Variants in MYO9A observed in about 807,000 individuals in gnomAD.
MYO9A encodes unconventional myosin-IXa.
A neutral mutation model predicts 293.3 loss-of-function variants in MYO9A; 103 were observed. The ratio of observed to expected loss-of-function variants is 0.35; its 90% CI spans 0.30 to 0.41. MYO9A has a LOEUF of 0.41. MYO9A is among the 10% of genes least tolerant of loss of function. MYO9A has a pLI of 1.00. For missense variants in MYO9A, 2,685 were observed against 3,033.0 expected (o/e 0.89, Z 2.69); for synonymous variants, 1,001 against 1,035.7 (o/e 0.97, Z 0.64).
intron 15 of MYO9A, among the ~76,000 whole-genome samples, chr15:71,940,578 T>C (rs567806220): frequency 1.3e-5 from 2 of 152,172 alleles, no homozygotes; most frequent in African/African-American, 4.8e-5. Flanking sequence ...AATGTCTACA[T>C]TGAAAACTAT....
chr15:71,950,674 C>T (rs977139212), intron 15 of MYO9A, among the ~76,000 whole-genome samples: 1 of 152,178 alleles, frequency 6.6e-6, no homozygotes, highest in East Asian at 1.9e-4. Context: ...TTTTTCAAAA[C>T]ACATTACACA....
intron 23 of MYO9A, among the ~76,000 whole-genome samples, chr15:71,900,520 C>A (rs1052525445): frequency 1.6e-4 from 24 of 152,094 alleles, no homozygotes; most frequent in African/African-American, 5.8e-4. Flanking sequence ...TTTTCTCTTC[C>A]AGATATGTTT....
At chr15:71,838,230 T>C (rs2055015858) in intron 39 of MYO9A, among the ~76,000 whole-genome samples, 1 of 152,146 alleles carries the variant, frequency 6.6e-6, no homozygotes, top group African/African-American at 2.4e-5. Context: ...TAAGGAAAAT[T>C]AGACTTTGAA....
At position 72,046,197 on chromosome 15, in the gene MYO9A, AC is replaced by A; in HGVS notation, c.366del (p.Gln122HisfsTer6). The A allele has an allele frequency of 6.2e-7, 1 of 1,614,092 alleles. No homozygotes were observed. Among genetic ancestry groups the A allele is most frequent in the Non-Finnish European group, 8.5e-7 (1 of 1,180,014 alleles). ...LDGSIHYGSL[Q>X]SWLRVTEERR... ...CGTTCTTCTGTTACCCGTAGCCATGACTGCAGGCTACCATAATGGATTGATC... is the reference window on the plus strand; with the variant it reads ...CGTTCTTCTGTTACCCGTAGCCATGATGCAGGCTACCATAATGGATTGATC... On this transcript the variant is annotated frameshift_variant, in exon 2 of 42. Coordinates refer to ENST00000356056, the MANE Select transcript of MYO9A (RefSeq NM_006901.4). LOFTEE classifies it high-confidence loss of function.
At chr15:71,981,598 C>T (rs1321568281) in intron 11 of MYO9A, among the ~76,000 whole-genome samples, 1 of 152,018 alleles carries the variant, frequency 6.6e-6, no homozygotes, top group African/African-American at 2.4e-5. Flanking sequence ...GTAATACCCT[C>T]TATCACTGGG....
Position 71,880,349 on chromosome 15 carries a change from A to G in MYO9A, c.5608T>C (p.Phe1870Leu), listed in dbSNP as rs764018642. 2.2e-5 allele frequency: 35 copies of G among 1,614,026 alleles called. No individual in the cohort carries two copies. The highest frequency in any genetic ancestry group is 2.2e-5 in the Non-Finnish European group (26 of 1,179,986). ...SVSDLKSMDE[F>L]LLKKVNDLDN... ...ATAAAGTGTACCTTTTTCAGAAGAA[A>G]TTCATCCATGCTTTTTAAATCACTG... is the stretch of plus-strand genomic sequence containing the variant. The change falls in exon 29 of 42, where the codon TTT (phenylalanine) becomes CTT (leucine). Residue 1870 changes from phenylalanine to leucine, a missense_variant. Physicochemically the swap from Phe to Leu is conservative, Grantham distance 22. This residue lies in a region of MYO9A where 1,434 missense variants were observed against 1,497.7 expected (regional missense o/e 0.96). Transcript: ENST00000356056.
At chr15:71,833,122 CAGT>C (rs2054795908) in intron 39 of MYO9A, among the ~76,000 whole-genome samples, 1 of 151,646 alleles carries the variant, frequency 6.6e-6, no homozygotes, top group Non-Finnish European at 1.5e-5. Context: ...ACATAAAAAA[CAGT>C]AGATTTTAAG....
intron 1 of MYO9A, among the ~76,000 whole-genome samples, chr15:72,096,444 T>C (rs1340730951): frequency 3.3e-5 from 5 of 152,194 alleles, no homozygotes; most frequent in Non-Finnish European, 5.9e-5. Flanking sequence ...GTTTACTGAA[T>C]GTTTTAAGCC....
At position 71,854,501 on chromosome 15, in the gene MYO9A, A is replaced by G. The variant is rs1426645224; in HGVS notation, c.6222T>C (p.Thr2074=). The G allele has an allele frequency of 1.9e-6, 3 of 1,613,626 alleles. No individual in the cohort carries two copies. The highest frequency in any genetic ancestry group is 1.7e-5 in the Admixed American group (1 of 59,974). The change falls in exon 35 of 42, where the codon ACT becomes ACC. Residue 2074 remains threonine (T), a synonymous_variant. Transcript: ENST00000356056. Reference sequence around the variant, plus strand: ...TGAGCTTTTCCACTACTAAAGGAACAGTTCGGTCTTCACTGGTCAAACGGG... The same window carrying G: ...TGAGCTTTTCCACTACTAAAGGAACGGTTCGGTCTTCACTGGTCAAACGGG... The part of the protein sequence containing the change: ...ELSRLTSEDR[T]VPLVVEKLIN...
intron 16 of MYO9A, among the ~76,000 whole-genome samples, chr15:71,936,577 A>G (rs1324841539): frequency 1.3e-5 from 2 of 152,168 alleles, no homozygotes; most frequent in African/African-American, 4.8e-5. Context: ...TACAGGTATC[A>G]AAACATCACA....
In MYO9A at chr15:71,852,221, A is replaced by T. The variant is rs1236428682; in HGVS notation, c.6386T>A (p.Val2129Asp). 6.2e-7 allele frequency: 1 copy of T among 1,613,398 alleles called. No individual in the cohort carries two copies. The highest frequency in any genetic ancestry group is 8.5e-7 in the Non-Finnish European group (1 of 1,179,412). Residue 2129 changes from valine to aspartate, a missense_variant, in exon 36 of 42, where the codon GTC (valine) becomes GAC (aspartate). By Grantham distance (152) the Val-to-Asp change is radical. Around this residue, in one of 10 missense-constraint regions of MYO9A, gnomAD observed 238 missense variants for 269.1 expected, o/e 0.88. Transcript: ENST00000356056. ...CCATTGTTTGAATACACTTGCAATG[A>T]CGTGTATGTTATAGTCATCTAGATT... The part of the protein sequence containing the change: ...SVNLDDYNIH[V>D]IASVFKQWLR...
At chr15:72,036,155 C>T (rs1187640653) in intron 2 of MYO9A, among the ~76,000 whole-genome samples, 2 of 151,960 alleles carry the variant, frequency 1.3e-5, no homozygotes, top group South Asian at 2.1e-4. Flanking sequence ...GTCATTTAAG[C>T]AGAAGGAAAA....
chr15:71,928,050 A>ATT, intron 18 of MYO9A, among the ~76,000 whole-genome samples: 2 of 10,234 alleles, frequency 2.0e-4, no homozygotes, highest in African/African-American at 3.9e-4. Context: ...ATATATATAT[A>ATT]TATATATTTT....
intron 34 of MYO9A, among the ~76,000 whole-genome samples, chr15:71,855,380 C>T (rs903731471): frequency 2.0e-5 from 3 of 152,208 alleles, no homozygotes; most frequent in African/African-American, 7.2e-5. Flanking sequence ...AAGTGATCTG[C>T]CCGCCTTGGC....
intron 1 of MYO9A, among the ~76,000 whole-genome samples, chr15:72,055,359 C>G (rs1276115897): frequency 6.6e-6 from 1 of 152,134 alleles, no homozygotes; most frequent in East Asian, 1.9e-4. Flanking sequence ...AATCTAAGAC[C>G]TGAATAAAAA....
chr15:71,956,330 A>AAAAAAATATAT (rs10642655), intron 14 of MYO9A, among the ~76,000 whole-genome samples: 9 of 75,580 alleles, frequency 1.2e-4, no homozygotes, highest in African/African-American at 5.4e-4. Flanking sequence ...AAAAAAAAAA[A>AAAAAAATATAT]ATATATATAT....
intron 10 of MYO9A, among the ~76,000 whole-genome samples, chr15:71,992,296 G>A (rs1169167307): frequency 6.6e-6 from 1 of 152,002 alleles, no homozygotes; most frequent in East Asian, 1.9e-4. Flanking sequence ...CTGTGGATTT[G>A]GCTCTAATAC....
In MYO9A at chr15:71,866,846, C is replaced by T. The variant is rs2056343480; in HGVS notation, c.5980-4235G>A. Among the ~76,000 whole-genome samples the T allele has an allele frequency of 2.0e-5, 3 of 152,052 alleles. No homozygotes were observed. In the South Asian group the frequency reaches 6.2e-4, roughly 31 times the overall value. On this transcript the variant is annotated intron_variant, in intron 32 of 41. Coordinates refer to ENST00000356056, the MANE Select transcript of MYO9A (RefSeq NM_006901.4). ...CGCCGAGGCGGGTGGATCACAAAGT[C>T]AGGAGTTTGAGATCAGCCTGACCAA...
intron 11 of MYO9A, among the ~76,000 whole-genome samples, chr15:71,982,537 T>C (rs766188615): frequency 7.2e-5 from 11 of 152,244 alleles, no homozygotes; most frequent in Admixed American, 2.0e-4. Flanking sequence ...CAGTGTTCTA[T>C]GCATATCAGT....
Sources: gnomAD v4.1 joint callset for allele counts (sites outside exome capture counted in the v4.1 genomes callset) on GRCh38, gnomAD v4.1.1 for gene constraint, gnomAD v4.1.1 regional missense constraint, MANE v1.5 for transcripts, NCBI Gene and HGNC (gene_info 2026-07-23, HGNC 2026-07-21) for gene names.